Variants in CRACD observed in about 807,000 individuals in gnomAD.
The protein encoded by CRACD is capping protein-inhibiting regulator of actin dynamics.
CRACD carries 56 observed loss-of-function variants against 106.8 expected under a neutral mutation model. That is an observed-to-expected ratio of 0.52 (90% confidence interval 0.42 to 0.66). CRACD has a LOEUF of 0.66. Ranked by LOEUF, CRACD falls within the 30% of genes least tolerant of loss-of-function variation. The pLI, the probability that CRACD is intolerant of heterozygous loss-of-function variation, is 0.00. For synonymous variants in CRACD, 754 were observed against 670.8 expected, an observed-to-expected ratio of 1.12 and a Z score of -1.92; for missense variants, 1,730 against 1,623.2, an observed-to-expected ratio of 1.07 and a Z score of -1.13.
chr4:56,258,738 T>A (rs1300158292), intron 2 of CRACD, among the ~76,000 whole-genome samples: 1 of 152,164 alleles, frequency 6.6e-6, no homozygotes, highest in Non-Finnish European at 1.5e-5. Flanking sequence ...GAAGGAAAAA[T>A]GACCAGAGGT....
chr4:56,207,991 T>A (rs1415263851), intron 2 of CRACD, among the ~76,000 whole-genome samples: 2 of 150,918 alleles, frequency 1.3e-5, no homozygotes, highest in African/African-American at 2.4e-5. Flanking sequence ...TAATTAATTT[T>A]TTTTTTTTTT....
chr4:56,211,891 C>T (rs1485844905), intron 2 of CRACD, among the ~76,000 whole-genome samples: 1 of 152,170 alleles, frequency 6.6e-6, no homozygotes. Context: ...TGTAGCTTGG[C>T]TTTCAGGCTT....
At chr4:56,233,891 G>A (rs573808717) in intron 2 of CRACD, among the ~76,000 whole-genome samples, 4 of 152,166 alleles carry the variant, frequency 2.6e-5, no homozygotes, top group Admixed American at 2.6e-4. Context: ...GTAGTTTTCA[G>A]TGTACAGATC....
At chr4:56,126,272 G>C (rs894553130) in intron 1 of CRACD, among the ~76,000 whole-genome samples, 1 of 152,088 alleles carries the variant, frequency 6.6e-6, no homozygotes. Flanking sequence ...CCACCTTTTA[G>C]TGGGGAACAG....
At chr4:56,243,913 C>G (rs912193943) in intron 2 of CRACD, among the ~76,000 whole-genome samples, 3 of 152,158 alleles carry the variant, frequency 2.0e-5, no homozygotes, top group African/African-American at 7.2e-5. Context: ...ATCCCCCTCT[C>G]CCTCAAAGCC....
At chr4:56,236,272 G>A (rs1302533342) in intron 2 of CRACD, among the ~76,000 whole-genome samples, 2 of 152,038 alleles carry the variant, frequency 1.3e-5, no homozygotes, top group African/African-American at 2.4e-5. Flanking sequence ...ACCAAAAATC[G>A]TCAGCCACCA....
intron 2 of CRACD, among the ~76,000 whole-genome samples, chr4:56,240,332 G>A (rs2109559769): frequency 6.6e-6 from 1 of 152,200 alleles, no homozygotes; most frequent in South Asian, 2.1e-4. Flanking sequence ...AGGGGGAGTA[G>A]GGTACCACAG....
At chr4:56,231,889 C>T (rs1287882440) in intron 2 of CRACD, among the ~76,000 whole-genome samples, 1 of 152,166 alleles carries the variant, frequency 6.6e-6, no homozygotes, top group Admixed American at 6.5e-5. Context: ...TATATACAAG[C>T]AGCTATAAAA....
intron 3 of CRACD, among the ~76,000 whole-genome samples, chr4:56,284,481 T>A (rs1237359505): frequency 1.3e-5 from 2 of 151,904 alleles, no homozygotes; most frequent in Non-Finnish European, 2.9e-5. Context: ...TCCCAACACT[T>A]TGGGAGGCTG....
At chr4:56,180,823 T>A (rs866301681) in intron 2 of CRACD, among the ~76,000 whole-genome samples, 1 of 152,232 alleles carries the variant, frequency 6.6e-6, no homozygotes, top group African/African-American at 2.4e-5. Flanking sequence ...TCCTGGATTG[T>A]CAGCACCCCT....
rs190741256 is a variant in CRACD, at chr4:56,084,895, G to A, written c.-336+35596G>A. Among the ~76,000 whole-genome samples, 161 of 152,318 alleles carry A rather than the reference G, an allele frequency of 1.1e-3. 1 individual carries two copies. The highest frequency in any genetic ancestry group is 3.4e-3 in the Middle Eastern group (1 of 294). ...GGACATATAACTTCATCAAAGGTTAGGTGATCGGATTGCATATAAAGCTGC... is the reference window on the plus strand; with the variant it reads ...GGACATATAACTTCATCAAAGGTTAAGTGATCGGATTGCATATAAAGCTGC... On this transcript the variant is annotated intron_variant, in intron 1 of 10. Coordinates refer to ENST00000682029, the MANE Select transcript of CRACD (RefSeq NM_001393381.1).
At chr4:56,139,463 A>C (rs1735120470) in intron 1 of CRACD, among the ~76,000 whole-genome samples, 1 of 152,148 alleles carries the variant, frequency 6.6e-6, no homozygotes, top group African/African-American at 2.4e-5. Flanking sequence ...GATATGGAGG[A>C]GAAAAGGTTA....
chr4:56,117,311 G>C (rs969663062), intron 1 of CRACD, among the ~76,000 whole-genome samples: 1 of 152,096 alleles, frequency 6.6e-6, no homozygotes, highest in Non-Finnish European at 1.5e-5. Context: ...TTGAGCCTCC[G>C]TGCCCGGCCC....
intron 2 of CRACD, among the ~76,000 whole-genome samples, chr4:56,228,794 T>C (rs915628631): frequency 2.0e-5 from 3 of 152,210 alleles, no homozygotes; most frequent in East Asian, 3.9e-4. Flanking sequence ...GAACATCTGA[T>C]GATACTTTAT....
chr4:56,256,749 T>C (rs568222792), intron 2 of CRACD, among the ~76,000 whole-genome samples: 3 of 152,336 alleles, frequency 2.0e-5, no homozygotes, highest in East Asian at 3.9e-4. Context: ...TTATCTTCTT[T>C]CTCTCAGCCC....
At chr4:56,057,390 T>C (rs928645287) in intron 1 of CRACD, among the ~76,000 whole-genome samples, 3 of 152,222 alleles carry the variant, frequency 2.0e-5, no homozygotes, top group Non-Finnish European at 2.9e-5. Flanking sequence ...TGTGTGTGTG[T>C]ATGTGTATAT....
chr4:56,112,186 C>T (rs567338090), intron 1 of CRACD, among the ~76,000 whole-genome samples: 5 of 152,246 alleles, frequency 3.3e-5, no homozygotes, highest in African/African-American at 4.8e-5. Flanking sequence ...CTGCTTGCTT[C>T]GTGCAACGAA....
intron 4 of CRACD, among the ~76,000 whole-genome samples, chr4:56,305,401 T>G (rs961878338): frequency 6.6e-6 from 1 of 152,140 alleles, no homozygotes; most frequent in South Asian, 2.1e-4. Flanking sequence ...ACCATTCTTC[T>G]GCACAGGTCC....
intron 1 of CRACD, among the ~76,000 whole-genome samples, chr4:56,124,462 CTT>C (rs979384895): frequency 2.0e-5 from 3 of 152,248 alleles, no homozygotes; most frequent in African/African-American, 7.2e-5. Context: ...GAACAGGACT[CTT>C]TTAAAATATA....
Sources: allele counts gnomAD v4.1 joint callset (sites outside exome capture counted in the v4.1 genomes callset), GRCh38; gene constraint gnomAD v4.1.1; transcripts MANE v1.5; gene names NCBI Gene and HGNC (gene_info 2026-07-23, HGNC 2026-07-21).